Variants in ADD3 observed in about 807,000 individuals in gnomAD.
ADD3 encodes gamma-adducin.
ADD3 carries 25 observed loss-of-function variants against 80.2 expected under a neutral mutation model. The observed-to-expected ratio is 0.31, with a 90% CI of 0.23 to 0.44. ADD3 has a LOEUF of 0.44. Ranked by LOEUF, ADD3 falls within the 20% of genes least tolerant of loss-of-function variation. The pLI, the probability that ADD3 is intolerant of heterozygous loss-of-function variation, is 1.00. For missense variants in ADD3, 829 were observed against 847.5 expected (o/e 0.98, Z 0.27); for synonymous variants, 284 against 289.6 (o/e 0.98, Z 0.20).
intron 1 of ADD3, among the ~76,000 whole-genome samples, chr10:110,093,479 C>T (rs1177377460): frequency 2.0e-5 from 3 of 151,978 alleles, no homozygotes; most frequent in African/African-American, 7.3e-5. Context: ...TTATTATTAC[C>T]CAGAGCACAG....
chr10:110,042,685 CTGTT>C (rs1856501929), intron 1 of ADD3, among the ~76,000 whole-genome samples: 1 of 62,950 alleles, frequency 1.6e-5, no homozygotes, highest in African/African-American at 3.2e-5. Flanking sequence ...TTGTCTGGTG[CTGTT>C]TTTTTTTTTT....
intron 1 of ADD3, among the ~76,000 whole-genome samples, chr10:110,055,597 A>G (rs1380626940): frequency 1.3e-5 from 2 of 152,170 alleles, no homozygotes. Flanking sequence ...ATAAAGTATA[A>G]GTGAGTAACT....
At chr10:110,008,395 G>C (rs980767247) in intron 1 of ADD3, 96 bp downstream of exon 1, 6 of 152,684 alleles carry the variant, frequency 3.9e-5, no homozygotes, top group Non-Finnish European at 8.8e-5. Flanking sequence ...GACGCTACTG[G>C]GGGTCGCGCG....
intron 8 of ADD3, among the ~76,000 whole-genome samples, chr10:110,121,390 G>A (rs1048377094): frequency 2.6e-5 from 4 of 152,176 alleles, no homozygotes; most frequent in African/African-American, 9.7e-5. Context: ...GGCTGAGGCG[G>A]GAGAATCGCT....
chr10:110,007,575 G>A (rs1288709311), upstream of ADD3, among the ~76,000 whole-genome samples: 1 of 152,148 alleles, frequency 6.6e-6, no homozygotes, highest in Admixed American at 6.5e-5. Flanking sequence ...TCCCCCTCTG[G>A]CCCTCCGGGG....
chr10:110,001,677 T>A (rs1251285557), upstream of ADD3, among the ~76,000 whole-genome samples: 1 of 150,202 alleles, frequency 6.7e-6, no homozygotes, highest in Non-Finnish European at 1.5e-5. Context: ...TATTCAGAGA[T>A]TTTTTTTTAA....
intron 1 of ADD3, among the ~76,000 whole-genome samples, chr10:110,049,823 C>G (rs180758449): frequency 0.011 from 1,583 of 150,076 alleles, 26 homozygotes; most frequent in African/African-American, 0.038. Context: ...GGAGGCAGAG[C>G]TTGCAGTGAG....
chr10:110,038,017 C>G (rs967346970), intron 1 of ADD3, among the ~76,000 whole-genome samples: 2 of 138,622 alleles, frequency 1.4e-5, no homozygotes. Flanking sequence ...TGTGGTGAGC[C>G]GAAATGGTGC....
At chr10:110,051,738 A>G in intron 1 of ADD3, among the ~76,000 whole-genome samples, 1 of 152,264 alleles carries the variant, frequency 6.6e-6, no homozygotes, top group East Asian at 1.9e-4. Flanking sequence ...CTTTCTAGGA[A>G]GGAGTTCAAG....
At chr10:110,075,455 A>G (rs1590001450) in intron 1 of ADD3, among the ~76,000 whole-genome samples, 1 of 152,316 alleles carries the variant, frequency 6.6e-6, no homozygotes, top group South Asian at 2.1e-4. Flanking sequence ...ACATGTTACA[A>G]ACAGCTTGTG....
intron 1 of ADD3, among the ~76,000 whole-genome samples, chr10:110,039,315 G>T (rs993251051): frequency 6.6e-6 from 1 of 151,940 alleles, no homozygotes; most frequent in African/African-American, 2.4e-5. Flanking sequence ...GAACTGATTG[G>T]AGAAGAGCTT....
At chr10:110,103,902 T>G (rs753279994) in intron 2 of ADD3, among the ~76,000 whole-genome samples, 17 of 152,164 alleles carry the variant, frequency 1.1e-4, no homozygotes, top group Non-Finnish European at 2.4e-4. Context: ...CAGTCTGTCC[T>G]TCTGCCACAA....
chr10:110,004,678 T>C (rs1319381033), upstream of ADD3, among the ~76,000 whole-genome samples: 2 of 152,086 alleles, frequency 1.3e-5, no homozygotes, highest in Admixed American at 1.3e-4. Flanking sequence ...AATAAGGTTA[T>C]TTACTTGTTC....
intron 2 of ADD3, 112 bp downstream of exon 2, chr10:110,100,960 G>C (rs894362840): frequency 1.1e-6 from 1 of 938,312 alleles, no homozygotes; most frequent in East Asian, 2.9e-5. Flanking sequence ...GAGGAGGAGT[G>C]GTGACCAGTT....
rs200959058 is a variant in ADD3 at position 110,110,867 on chromosome 10, C to T, written c.196-1910C>T. 1.8e-4 allele frequency among the ~76,000 whole-genome samples: 27 copies of T among 152,010 alleles called. No individual in the cohort carries two copies. The East Asian group carries it at 5.2e-3, about 29-fold the overall frequency. ...AAAATTAGCCGGGCATGGTTGTGCA[C>T]ACCTATAATCCCAGCTACTTGGAAG... On this transcript the variant is annotated intron_variant, in intron 2 of 14. Coordinates refer to ENST00000356080, the MANE Select transcript of ADD3 (RefSeq NM_016824.5).
rs778508199 is a variant in ADD3 at position 110,112,843 on chromosome 10, T to A, written c.262T>A (p.Leu88Ile). The part of the protein sequence containing the change: ...QMKKGHNPTG[L>I]LALQQIADYI... ...GAAGAAAGGCCACAACCCAACTGGATTACTAGCATTACAGCAGATTGCAGA... is the reference window on the plus strand; with the variant it reads ...GAAGAAAGGCCACAACCCAACTGGAATACTAGCATTACAGCAGATTGCAGA... The change falls in exon 3 of 15, where the codon TTA becomes ATA. Residue 88 changes from leucine (L) to isoleucine (I), a missense_variant. Transcript: ENST00000356080. The A allele has an allele frequency of 3.0e-5, 49 of 1,614,110 alleles. 2 individuals are homozygous for A. In the South Asian group the frequency reaches 5.3e-4, roughly 17 times the overall value.
intron 1 of ADD3, among the ~76,000 whole-genome samples, chr10:110,083,226 C>T (rs1846284419): frequency 6.6e-6 from 1 of 152,140 alleles, no homozygotes; most frequent in African/African-American, 2.4e-5. Context: ...AAGGGGTTGG[C>T]TTTTGAATAA....
chr10:110,028,901 CGG>C (rs773228966), intron 1 of ADD3, among the ~76,000 whole-genome samples: 6 of 133,790 alleles, frequency 4.5e-5, no homozygotes, highest in South Asian at 2.4e-4. Flanking sequence ...TTTTTTGAAA[CGG>C]AGTTTTGCTC....
At chr10:110,006,739 T>C (rs917620906), upstream of ADD3, among the ~76,000 whole-genome samples, 1 of 16,160 alleles carries the variant, frequency 6.2e-5, no homozygotes, top group Non-Finnish European at 1.8e-4. Flanking sequence ...ATTAGCACAT[T>C]TTTAGGGAGG....
Sources: allele counts gnomAD v4.1 joint callset (sites outside exome capture counted in the v4.1 genomes callset), GRCh38; gene constraint gnomAD v4.1.1; transcripts MANE v1.5; gene names NCBI Gene and HGNC (gene_info 2026-07-23, HGNC 2026-07-21).